Variants in TMEM132B observed in about 807,000 individuals in gnomAD.
TMEM132B encodes transmembrane protein 132B.
Under a neutral mutation model 90.8 loss-of-function variants are expected in TMEM132B, and 18 were observed. The observed-to-expected ratio is 0.20, with a 90% CI of 0.14 to 0.29. The LOEUF (loss-of-function observed/expected upper bound fraction) is 0.29. TMEM132B is among the 10% of genes least tolerant of loss of function. The pLI, the probability that TMEM132B is intolerant of heterozygous loss-of-function variation, is 1.00. For missense variants in TMEM132B, 1,096 were observed against 1,326.8 expected, an observed-to-expected ratio of 0.83 and a Z score of 2.70; for synonymous variants, 504 against 523.3, an observed-to-expected ratio of 0.96 and a Z score of 0.50.
At chr12:125,636,533 G>A (rs1442378648) in intron 5 of TMEM132B, among the ~76,000 whole-genome samples, 2 of 152,140 alleles carry the variant, frequency 1.3e-5, no homozygotes, top group East Asian at 1.9e-4. Context: ...GTATCACTTA[G>A]CCTCTAGTGT....
At chr12:125,274,515 T>A (rs1247075851) in intron 1 of TMEM132B, among the ~76,000 whole-genome samples, 1 of 152,236 alleles carries the variant, frequency 6.6e-6, no homozygotes, top group East Asian at 1.9e-4. Context: ...GGTGTTCCGA[T>A]CATGGTGCAT....
chr12:125,597,538 G>A (rs1466777241), intron 5 of TMEM132B, among the ~76,000 whole-genome samples: 6 of 152,172 alleles, frequency 3.9e-5, no homozygotes, highest in Admixed American at 2.6e-4. Context: ...AGCAGGCACT[G>A]TATCTATCTT....
chr12:125,609,356 C>T (rs780331497), intron 5 of TMEM132B, among the ~76,000 whole-genome samples: 64 of 152,214 alleles, frequency 4.2e-4, no homozygotes, highest in Admixed American at 2.9e-3. Context: ...TGAGTTTCAA[C>T]TTTGTTCTTT....
At chr12:125,533,503 A>G (rs1883703735) in intron 4 of TMEM132B, among the ~76,000 whole-genome samples, 1 of 152,212 alleles carries the variant, frequency 6.6e-6, no homozygotes, top group Non-Finnish European at 1.5e-5. Context: ...TGCATAGCTG[A>G]TTGCAGAGCC....
rs557734585 is a variant in TMEM132B at position 125,487,053 on chromosome 12, C to T, written c.1107-32386C>T. ...CTTTGACTGTGGAAGCTCTCATCTGCTTGAGAACAGAAGGTCTCAGTCTGT... is the reference window on the plus strand; with the variant it reads ...CTTTGACTGTGGAAGCTCTCATCTGTTTGAGAACAGAAGGTCTCAGTCTGT... On this transcript the variant is annotated intron_variant, in intron 3 of 8. Coordinates refer to ENST00000682704, the MANE Select transcript of TMEM132B (RefSeq NM_001366854.1). Among the ~76,000 whole-genome samples the T allele has an allele frequency of 9.8e-5, 15 of 152,288 alleles. No individual in the cohort carries two copies. The South Asian group carries it at 3.1e-3, about 32-fold the overall frequency.
At chr12:125,220,563 G>A (rs937753790) in intron 1 of TMEM132B, among the ~76,000 whole-genome samples, 2 of 152,318 alleles carry the variant, frequency 1.3e-5, no homozygotes, top group African/African-American at 4.8e-5. Context: ...CTTCTCTGTC[G>A]GCATTTCCAA....
chr12:125,634,389 G>A (rs1048301989), intron 5 of TMEM132B, among the ~76,000 whole-genome samples: 2 of 152,182 alleles, frequency 1.3e-5, no homozygotes, highest in Non-Finnish European at 2.9e-5. Context: ...TTCTAATTGA[G>A]GGCCCCAAGA....
intron 3 of TMEM132B, among the ~76,000 whole-genome samples, chr12:125,434,994 A>AAAT (rs1162360839): frequency 3.9e-5 from 6 of 152,152 alleles, no homozygotes; most frequent in African/African-American, 1.4e-4. Context: ...GCGTTTGGGG[A>AAAT]AACCCTCGGG....
chr12:125,535,515 T>C (rs540329732), intron 4 of TMEM132B, among the ~76,000 whole-genome samples: 4 of 152,184 alleles, frequency 2.6e-5, no homozygotes, highest in Admixed American at 2.0e-4. Flanking sequence ...TCAGGAAAGC[T>C]TTTTTGCCAG....
At chr12:125,212,772 C>G (rs1431365727) in intron 1 of TMEM132B, among the ~76,000 whole-genome samples, 3 of 152,206 alleles carry the variant, frequency 2.0e-5, no homozygotes, top group African/African-American at 7.2e-5. Context: ...GTGTGAGCCA[C>G]CATGCCCAGC....
At chr12:125,388,150 G>A (rs893388186) in intron 2 of TMEM132B, among the ~76,000 whole-genome samples, 7 of 151,598 alleles carry the variant, frequency 4.6e-5, no homozygotes, top group East Asian at 1.9e-4. Flanking sequence ...ATTGTCGCCC[G>A]GGTGCTGTGG....
intron 1 of TMEM132B, among the ~76,000 whole-genome samples, chr12:125,197,416 C>T (rs536685782): frequency 3.9e-4 from 59 of 152,324 alleles, no homozygotes; most frequent in Admixed American, 7.8e-4. Context: ...GACCCTTAGG[C>T]GGCCTCGGCT....
chr12:125,466,398 G>A (rs765914764), intron 3 of TMEM132B, among the ~76,000 whole-genome samples: 5 of 152,320 alleles, frequency 3.3e-5, no homozygotes, highest in Non-Finnish European at 7.3e-5. Flanking sequence ...AAGGGAAAAT[G>A]AAATACAGAC....
At chr12:125,300,897 T>C (rs1383788482) in intron 1 of TMEM132B, 2 of 151,984 alleles carry the variant, frequency 1.3e-5, no homozygotes, top group Non-Finnish European at 2.9e-5. Flanking sequence ...TGCACTGGGG[T>C]GCTTTTGTGA....
At chr12:125,428,470 A>C (rs577499082) in intron 3 of TMEM132B, among the ~76,000 whole-genome samples, 1 of 151,930 alleles carries the variant, frequency 6.6e-6, no homozygotes, top group African/African-American at 2.4e-5. Context: ...ATTATATCAT[A>C]TTATATCATT....
chr12:125,247,562 A>G (rs940402978), intron 1 of TMEM132B, among the ~76,000 whole-genome samples: 1 of 152,212 alleles, frequency 6.6e-6, no homozygotes, highest in Non-Finnish European at 1.5e-5. Flanking sequence ...GGTGGCTGAC[A>G]TATCTTGGCC....
In TMEM132B at chr12:125,349,358, C is replaced by A. The variant is rs148825458; in HGVS notation, c.68-94C>A. Reference sequence around the variant, plus strand: ...TGGGGGAGAAACAGTGGCCAGTGGGCGGTTTGTTGGGGAGGTGGGTGGAGA... The same window carrying A: ...TGGGGGAGAAACAGTGGCCAGTGGGAGGTTTGTTGGGGAGGTGGGTGGAGA... On this transcript the variant is annotated intron_variant, in intron 1 of 8. Coordinates refer to ENST00000682704, the MANE Select transcript of TMEM132B (RefSeq NM_001366854.1). The surrounding 1 kb of genome is among the most constrained non-coding windows in gnomAD (Gnocchi z 4.1). 2 of 1,379,606 alleles carry A rather than the reference C, an allele frequency of 1.4e-6. No homozygotes were observed. The highest frequency in any genetic ancestry group is 2.3e-5 in the East Asian group (1 of 43,474). 85.5% of individuals were successfully genotyped at this position (1,379,606 alleles called of 1,614,324 possible). A position where few individuals can be genotyped will look rare whatever the true frequency, so the allele number is the denominator to read the frequency against.
intron 4 of TMEM132B, among the ~76,000 whole-genome samples, chr12:125,574,784 A>C (rs1387875763): frequency 4.0e-5 from 6 of 151,818 alleles, no homozygotes; most frequent in Non-Finnish European, 8.8e-5. Flanking sequence ...CTCATTGGCA[A>C]AATTGTTGTC....
At chr12:125,423,551 T>C (rs984434260) in intron 3 of TMEM132B, among the ~76,000 whole-genome samples, 3 of 152,256 alleles carry the variant, frequency 2.0e-5, no homozygotes, top group Non-Finnish European at 4.4e-5. Flanking sequence ...AACACTCCAC[T>C]TATTTTTTCT....
Sources: allele counts gnomAD v4.1 joint callset (sites outside exome capture counted in the v4.1 genomes callset), GRCh38; gene constraint gnomAD v4.1.1; non-coding constraint Gnocchi (gnomAD v3.1); transcripts MANE v1.5; gene names NCBI Gene and HGNC (gene_info 2026-07-23, HGNC 2026-07-21).